Variants in AGBL4 observed in about 807,000 individuals in gnomAD.
The protein encoded by AGBL4 is AGBL carboxypeptidase 4.
Under a neutral mutation model 66.4 loss-of-function variants are expected in AGBL4, and 58 were observed. The ratio of observed to expected loss-of-function variants is 0.87; its 90% confidence interval spans 0.71 to 1.09. The LOEUF is 1.09. Ranked by LOEUF, AGBL4 falls within the 50% of genes least tolerant of loss-of-function variation. AGBL4 has a pLI of 0.00. For missense variants in AGBL4, 579 were observed against 631.0 expected, an observed-to-expected ratio of 0.92 and a Z score of 0.88; for synonymous variants, 234 against 222.9, an observed-to-expected ratio of 1.05 and a Z score of -0.44.
intron 3 of AGBL4, among the ~76,000 whole-genome samples, chr1:49,634,393 C>G (rs1303320303): frequency 6.6e-6 from 1 of 152,052 alleles, no homozygotes; most frequent in Admixed American, 6.6e-5. Context: ...GGAAATGAAC[C>G]CATCCTTTTT....
At chr1:48,750,308 C>T (rs1197469006) in intron 6 of AGBL4, among the ~76,000 whole-genome samples, 5 of 152,174 alleles carry the variant, frequency 3.3e-5, no homozygotes, top group Non-Finnish European at 7.3e-5. Flanking sequence ...TGTCTGCAAC[C>T]TCATCTCTTC....
At chr1:48,650,623 G>T (rs1055656470) in intron 8 of AGBL4, among the ~76,000 whole-genome samples, 1 of 151,900 alleles carries the variant, frequency 6.6e-6, no homozygotes, top group African/African-American at 2.4e-5. Context: ...GTTAAACAAA[G>T]TTCCTCCATC....
chr1:48,797,667 G>A (rs985824758), intron 6 of AGBL4, among the ~76,000 whole-genome samples: 7 of 151,802 alleles, frequency 4.6e-5, no homozygotes, highest in African/African-American at 1.2e-4. Flanking sequence ...GCACAATCTC[G>A]GCTCACTGCA....
chr1:49,856,659 A>G (rs1029472459), intron 1 of AGBL4, among the ~76,000 whole-genome samples: 1 of 152,040 alleles, frequency 6.6e-6, no homozygotes, highest in African/African-American at 2.4e-5. Flanking sequence ...AAGAAAATGC[A>G]CTCCATAAAA....
intron 3 of AGBL4, among the ~76,000 whole-genome samples, chr1:49,291,458 G>C (rs1644531820): frequency 6.6e-6 from 1 of 151,978 alleles, no homozygotes. Flanking sequence ...AATAGACTGT[G>C]GTATAACAAT....
At chr1:48,697,446 A>G (rs1646730038) in intron 6 of AGBL4, among the ~76,000 whole-genome samples, 1 of 152,222 alleles carries the variant, frequency 6.6e-6, no homozygotes, top group Non-Finnish European at 1.5e-5. Flanking sequence ...AAGGGCAGGC[A>G]TTATCTTTCC....
chr1:49,524,977 G>C (rs929961576), intron 3 of AGBL4, among the ~76,000 whole-genome samples: 12 of 151,912 alleles, frequency 7.9e-5, no homozygotes, highest in African/African-American at 2.9e-4. Context: ...TTTGACCCTT[G>C]CTCAATAATT....
chr1:48,944,243 AG>A (rs1463041903), intron 5 of AGBL4, among the ~76,000 whole-genome samples: 87 of 150,334 alleles, frequency 5.8e-4, no homozygotes, highest in Admixed American at 1.3e-4. Flanking sequence ...CCCAGGGGTT[AG>A]GTGGGGCCAA....
rs192160676 is a variant in AGBL4 at position 49,657,112 on chromosome 1, C to T, written c.282+40201G>A. ...TGATTGTATATCTAGAAAACCCCAT[C>T]GTCTCAGACCAAAATCTCCTTAAGA... On this transcript the variant is annotated intron_variant, in intron 3 of 13. Transcript: ENST00000371839. Among the ~76,000 whole-genome samples, 55 of 152,288 alleles carry T rather than the reference C, an allele frequency of 3.6e-4. 1 individual carries two copies. The East Asian group carries it at 9.8e-3, about 27-fold the overall frequency.
At chr1:49,073,026 T>G (rs1249454310) in intron 4 of AGBL4, among the ~76,000 whole-genome samples, 2 of 152,222 alleles carry the variant, frequency 1.3e-5, no homozygotes, top group Non-Finnish European at 2.9e-5. Flanking sequence ...TTTCTTTCAC[T>G]TGATCAATTC....
At chr1:48,937,911 C>T (rs1487329789) in intron 5 of AGBL4, among the ~76,000 whole-genome samples, 1 of 152,160 alleles carries the variant, frequency 6.6e-6, no homozygotes, top group Admixed American at 6.5e-5. Context: ...TTCCAGAGCA[C>T]AGGAGTGGGA....
chr1:49,714,851 T>C (rs573043037), intron 2 of AGBL4, among the ~76,000 whole-genome samples: 2 of 152,170 alleles, frequency 1.3e-5, no homozygotes, highest in Admixed American at 1.3e-4. Flanking sequence ...GAAATCTCCA[T>C]ACTGTTTTCC....
intron 1 of AGBL4, among the ~76,000 whole-genome samples, chr1:49,880,901 C>T (rs373797885): frequency 2.0e-5 from 3 of 151,830 alleles, no homozygotes; most frequent in South Asian, 2.1e-4. Context: ...GCACAATATT[C>T]GGGTGGGAGT....
intron 2 of AGBL4, among the ~76,000 whole-genome samples, chr1:49,799,263 A>G (rs1252347715): frequency 6.6e-6 from 1 of 152,138 alleles, no homozygotes; most frequent in Non-Finnish European, 1.5e-5. Context: ...TGTGATAATA[A>G]CTTTATATGT....
chr1:49,417,133 G>T (rs1362811804), intron 3 of AGBL4, among the ~76,000 whole-genome samples: 1 of 152,102 alleles, frequency 6.6e-6, no homozygotes, highest in Non-Finnish European at 1.5e-5. Flanking sequence ...GTGTGAAGGA[G>T]AAACAAGTGT....
rs199868985 is a variant in AGBL4 at position 49,395,800 on chromosome 1, C to CAT, written c.283-149938_283-149937dup. 1.3e-4 allele frequency among the ~76,000 whole-genome samples: 15 copies of CAT among 118,082 alleles called. No homozygotes were observed. In the South Asian group the frequency reaches 2.4e-3, roughly 19 times the overall value. The allele number at this position is 118,082 out of a possible 152,430, so 77.5% of individuals were successfully genotyped here. A position where few individuals can be genotyped will look rare whatever the true frequency, so the allele number is the denominator to read the frequency against. ...ACATGTGTATATATGTATATATATA[C>CAT]ATATATATATGTATACATATATATA... On this transcript the variant is annotated intron_variant, in intron 3 of 13. Transcript: ENST00000371839.
intron 4 of AGBL4, among the ~76,000 whole-genome samples, chr1:49,193,430 T>C (rs1338584571): frequency 2.0e-5 from 3 of 152,036 alleles, no homozygotes; most frequent in African/African-American, 7.2e-5. Flanking sequence ...TTTTTTTTAA[T>C]TTCTATATTA....
chr1:49,566,330 C>T (rs1034332190), intron 3 of AGBL4, among the ~76,000 whole-genome samples: 1 of 152,172 alleles, frequency 6.6e-6, no homozygotes, highest in African/African-American at 2.4e-5. Flanking sequence ...CAGCTTTGTT[C>T]CGTTGCTGGT....
intron 3 of AGBL4, among the ~76,000 whole-genome samples, chr1:49,418,935 G>A (rs1170775947): frequency 6.6e-6 from 1 of 152,156 alleles, no homozygotes; most frequent in Non-Finnish European, 1.5e-5. Context: ...CTTCCTCATA[G>A]ATAATGGATT....
Sources: gnomAD v4.1 joint callset for allele counts (sites outside exome capture counted in the v4.1 genomes callset) on GRCh38, gnomAD v4.1.1 for gene constraint, MANE v1.5 for transcripts, NCBI Gene and HGNC (gene_info 2026-07-23, HGNC 2026-07-21) for gene names.